Variants in DPYD observed in about 807,000 individuals in gnomAD.
The protein encoded by DPYD is dihydropyrimidine dehydrogenase.
In DPYD, 109 loss-of-function variants were observed where a neutral mutation model predicts 116.2. The ratio of observed to expected loss-of-function variants is 0.94; its 90% CI spans 0.80 to 1.10. DPYD has a LOEUF of 1.10. Ranked by LOEUF, DPYD falls within the 50% of genes least tolerant of loss-of-function variation. The probability of loss-of-function intolerance (pLI) is 0.00; values close to 1 mark genes in which losing one functional copy is unlikely to be tolerated. For missense variants in DPYD, 1,302 were observed against 1,254.5 expected (o/e 1.04, Z -0.57); for synonymous variants, 440 against 432.0 (o/e 1.02, Z -0.23).
At chr1:97,171,176 A>G (rs968875845) in intron 20 of DPYD, among the ~76,000 whole-genome samples, 13 of 152,170 alleles carry the variant, frequency 8.5e-5, no homozygotes, top group Non-Finnish European at 1.6e-4. Flanking sequence ...ATCTTTGCCA[A>G]TAAACGGAAG....
chr1:97,599,432 A>G (rs1305536943), intron 8 of DPYD, among the ~76,000 whole-genome samples: 1 of 152,132 alleles, frequency 6.6e-6, no homozygotes, highest in Non-Finnish European at 1.5e-5. Context: ...AGAGAAAAAA[A>G]AAAGCTTTTA....
At chr1:97,088,301 A>C (rs958094649) in intron 21 of DPYD, among the ~76,000 whole-genome samples, 4 of 152,232 alleles carry the variant, frequency 2.6e-5, no homozygotes, top group Non-Finnish European at 5.9e-5. Context: ...ACTCTAAGTT[A>C]ACGTGGAATG....
intron 19 of DPYD, among the ~76,000 whole-genome samples, chr1:97,234,245 A>G (rs1171640665): frequency 6.6e-6 from 1 of 152,170 alleles, no homozygotes; most frequent in African/African-American, 2.4e-5. Flanking sequence ...ATTTTTAAAA[A>G]GTATATGAAT....
At chr1:97,568,931 G>A (rs371469649) in intron 11 of DPYD, among the ~76,000 whole-genome samples, 1 of 115,376 alleles carries the variant, frequency 8.7e-6, no homozygotes, top group African/African-American at 2.8e-5. Flanking sequence ...ATAGATTCCG[G>A]AAGATCACAG....
intron 7 of DPYD, among the ~76,000 whole-genome samples, chr1:97,681,036 A>T (rs1660403001): frequency 6.6e-6 from 1 of 152,164 alleles, no homozygotes; most frequent in Non-Finnish European, 1.5e-5. Flanking sequence ...TGGTAATTAC[A>T]GCTACACTGA....
intron 8 of DPYD, among the ~76,000 whole-genome samples, chr1:97,677,599 T>TCC (rs1660213916): frequency 6.6e-6 from 1 of 152,182 alleles, no homozygotes; most frequent in African/African-American, 2.4e-5. Flanking sequence ...AGATCTTGCC[T>TCC]CCTTCCTACT....
intron 15 of DPYD, among the ~76,000 whole-genome samples, chr1:97,374,080 C>CACAAATCTTACTAATTATGGAT (rs1186277901): frequency 6.6e-6 from 1 of 152,152 alleles, no homozygotes; most frequent in Non-Finnish European, 1.5e-5. Context: ...TTTTTATGGA[C>CACAAATCTTACTAATTATGGAT]ACAAATCTTA....
In DPYD at chr1:97,573,805, C is replaced by A. The variant is rs142512579; in HGVS notation, c.1294G>T (p.Asp432Tyr). The change falls in exon 11 of 23, where the codon GAT becomes TAT. Residue 432 changes from aspartate to tyrosine, a missense_variant. Transcript: ENST00000370192. ...GAACCAAAGGCACTGATGACCACAT[C>A]GGCTTTCAGATGGACCATCTGATCT... ...DEDQMVHLKA[D>Y]VVISAFGSVL... 6.2e-7 allele frequency: 1 copy of A among 1,613,610 alleles called. No individual in the cohort carries two copies. Among genetic ancestry groups the A allele is most frequent in the Non-Finnish European group, 8.5e-7 (1 of 1,179,622 alleles).
At chr1:97,559,554 T>C (rs1651989636) in intron 11 of DPYD, among the ~76,000 whole-genome samples, 2 of 152,190 alleles carry the variant, frequency 1.3e-5, no homozygotes, top group Non-Finnish European at 2.9e-5. Context: ...AACAGTTTAA[T>C]GGTTTTTATG....
At chr1:97,721,009 T>C in intron 5 of DPYD, 5 of 1,527,502 alleles carry the variant, frequency 3.3e-6, no homozygotes, top group African/African-American at 1.4e-5. Flanking sequence ...GCTTCCAATC[T>C]ATAAGTTCAC....
chr1:97,197,224 G>T (rs894382833), intron 19 of DPYD, among the ~76,000 whole-genome samples: 2 of 152,066 alleles, frequency 1.3e-5, no homozygotes, highest in Middle Eastern at 3.2e-3. Context: ...AGAGTTGGTG[G>T]TGTTTTTTTC....
intron 8 of DPYD, among the ~76,000 whole-genome samples, chr1:97,618,388 T>A (rs1162148444): frequency 1.3e-5 from 2 of 151,056 alleles, no homozygotes; most frequent in Non-Finnish European, 3.0e-5. Flanking sequence ...TTTTTTTTTT[T>A]TTTTCTAGAT....
Position 97,082,349 on chromosome 1 carries a change from C to T in DPYD, c.2888G>A (p.Cys963Tyr), listed in dbSNP as rs776289153. The change falls in exon 22 of 23, where the codon TGT (cysteine) becomes TAT (tyrosine). Residue 963 changes from cysteine (C) to tyrosine (Y), a missense_variant. Transcript: ENST00000370192. The stretch of plus-strand genomic sequence containing the variant: ...TCTTACCTGGTAGCCAGAATCATTA[C>T]AGGTCATGTAGCATTTACCACAGTT... The part of the protein sequence containing the change: ...CINCGKCYMT[C>Y]NDSGYQAIQF... The T allele has an allele frequency of 1.9e-6, 3 of 1,613,402 alleles. No individual in the cohort carries two copies. The African/African-American group carries it at 4.0e-5, about 22-fold the overall frequency.
At chr1:97,755,661 T>A (rs1268686827) in intron 3 of DPYD, among the ~76,000 whole-genome samples, 1 of 152,164 alleles carries the variant, frequency 6.6e-6, no homozygotes, top group Non-Finnish European at 1.5e-5. Context: ...CAACACAATA[T>A]CATAAAAGGC....
chr1:97,740,501 T>C lies in DPYD; in HGVS notation c.234-22A>G. ...GCATCTAGGAAATAAAATAACTATG[T>C]TAAGAAACTACAAGATAAGTGAGAT... On this transcript the variant is annotated intron_variant, in intron 3 of 22. Transcript: ENST00000370192. 6.3e-7 allele frequency: 1 copy of C among 1,585,630 alleles called. No homozygotes were observed. The highest frequency in any genetic ancestry group is 8.7e-7 in the Non-Finnish European group (1 of 1,155,560).
intron 13 of DPYD, among the ~76,000 whole-genome samples, chr1:97,489,969 G>A (rs374766486): frequency 6.6e-6 from 1 of 152,036 alleles, no homozygotes; most frequent in Non-Finnish European, 1.5e-5. Flanking sequence ...AATGTATTTA[G>A]TACTTTCATC....
intron 3 of DPYD, among the ~76,000 whole-genome samples, chr1:97,786,672 C>G (rs1051232083): frequency 2.0e-5 from 3 of 152,310 alleles, no homozygotes; most frequent in African/African-American, 7.2e-5. Context: ...ACCTAAAGAG[C>G]AGCACTATTT....
At chr1:97,466,002 G>A (rs1677301950) in intron 13 of DPYD, among the ~76,000 whole-genome samples, 1 of 152,214 alleles carries the variant, frequency 6.6e-6, no homozygotes, top group African/African-American at 2.4e-5. Flanking sequence ...TTGGGCGGCT[G>A]AGGTGGCAGG....
chr1:97,775,802 GT>G (rs1262863247), intron 3 of DPYD, among the ~76,000 whole-genome samples: 3 of 152,086 alleles, frequency 2.0e-5, no homozygotes, highest in Admixed American at 2.0e-4. Flanking sequence ...AATGCAAATA[GT>G]TTTTTAGTGA....
Sources: gnomAD v4.1 joint callset for allele counts (sites outside exome capture counted in the v4.1 genomes callset) on GRCh38, gnomAD v4.1.1 for gene constraint, MANE v1.5 for transcripts, NCBI Gene and HGNC (gene_info 2026-07-23, HGNC 2026-07-21) for gene names.